PKIB: variants seen among roughly 807,000 people sequenced by gnomAD.
PKIB encodes the protein PKI-beta.
In PKIB, 2 loss-of-function variants were observed where a neutral mutation model predicts 4.5. The ratio of observed to expected loss-of-function variants is 0.44; its 90% CI spans 0.18 to 1.39. The LOEUF is 1.39. Among genes scored for constraint, PKIB ranks in the 40% most tolerant of loss-of-function variants. The pLI, the probability that PKIB is intolerant of heterozygous loss-of-function variation, is 0.27. For synonymous variants in PKIB, 38 were observed against 36.0 expected, an observed-to-expected ratio of 1.06 and a Z score of -0.20; for missense variants, 94 against 92.6, an observed-to-expected ratio of 1.02 and a Z score of -0.06.
intron 2 of PKIB, among the ~76,000 whole-genome samples, chr6:122,673,581 A>G (rs1405570566): frequency 6.6e-6 from 1 of 152,192 alleles, no homozygotes; most frequent in Non-Finnish European, 1.5e-5. Flanking sequence ...TCATTTGAGA[A>G]ACTGAGTATG....
upstream of PKIB, among the ~76,000 whole-genome samples, chr6:122,606,860 C>G (rs556640033): frequency 6.6e-6 from 1 of 151,944 alleles, no homozygotes; most frequent in South Asian, 2.1e-4. Flanking sequence ...AAAACTAGAT[C>G]TCACTTGAAA....
chr6:122,507,852 A>G (rs1205678135), intron 2 of PKIB, among the ~76,000 whole-genome samples: 1 of 151,790 alleles, frequency 6.6e-6, no homozygotes, highest in East Asian at 1.9e-4. Context: ...TTCTTTATGA[A>G]CATTTACCTT....
intron 4 of PKIB, among the ~76,000 whole-genome samples, chr6:122,719,523 T>C (rs1463759273): frequency 6.6e-6 from 1 of 152,130 alleles, no homozygotes; most frequent in African/African-American, 2.4e-5. Context: ...GACAAACTGC[T>C]AGAATCAGAG....
intron 2 of PKIB, among the ~76,000 whole-genome samples, chr6:122,568,372 G>GA (rs1480630847): frequency 1.3e-5 from 2 of 152,168 alleles, no homozygotes; most frequent in Non-Finnish European, 2.9e-5. Context: ...CCTACTCCAT[G>GA]AGACAGGTGA....
At chr6:122,596,244 C>A (rs1179659573) in intron 3 of PKIB, among the ~76,000 whole-genome samples, 4 of 152,172 alleles carry the variant, frequency 2.6e-5, no homozygotes, top group Admixed American at 6.5e-5. Context: ...CGGGTGGTGC[C>A]AGCCTGTCAT....
chr6:122,667,612 T>C (rs535187394), intron 2 of PKIB, among the ~76,000 whole-genome samples: 2 of 152,288 alleles, frequency 1.3e-5, no homozygotes, highest in East Asian at 3.9e-4. Context: ...AACTTTTTTG[T>C]TGGTGTTTGA....
intron 2 of PKIB, among the ~76,000 whole-genome samples, chr6:122,557,978 T>C (rs759850652): frequency 8.6e-5 from 13 of 152,040 alleles, no homozygotes; most frequent in Non-Finnish European, 1.5e-4. Context: ...AAGCTCCCGA[T>C]TTTTTTTGGA....
intron 2 of PKIB, among the ~76,000 whole-genome samples, chr6:122,497,352 T>C (rs1432385133): frequency 2.0e-5 from 3 of 152,174 alleles, no homozygotes; most frequent in Admixed American, 6.5e-5. Flanking sequence ...AACTTTATGA[T>C]AGAATCAAAA....
chr6:122,667,493 C>T (rs1372108224), intron 2 of PKIB, among the ~76,000 whole-genome samples: 1 of 151,472 alleles, frequency 6.6e-6, no homozygotes, highest in South Asian at 2.1e-4. Context: ...GCCGAGATGA[C>T]GCCACTGCAC....
chr6:122,518,098 T>G (rs1018814015), intron 2 of PKIB, among the ~76,000 whole-genome samples: 3 of 152,200 alleles, frequency 2.0e-5, no homozygotes, highest in Non-Finnish European at 4.4e-5. Flanking sequence ...TGAATAAATG[T>G]GGCTGTGTCC....
At chr6:122,547,202 G>C (rs1772521511) in intron 2 of PKIB, among the ~76,000 whole-genome samples, 1 of 152,222 alleles carries the variant, frequency 6.6e-6, no homozygotes, top group Middle Eastern at 3.4e-3. Context: ...GTCACGCCCA[G>C]TGTTAGGTTC....
At chr6:122,660,211 A>T (rs537419117) in intron 2 of PKIB, among the ~76,000 whole-genome samples, 19 of 152,310 alleles carry the variant, frequency 1.2e-4, no homozygotes, top group Admixed American at 1.2e-3. Context: ...ATGCACTTCC[A>T]CTATTGTGGA....
At chr6:122,588,160 T>G (rs1773907900) in intron 3 of PKIB, among the ~76,000 whole-genome samples, 1 of 152,198 alleles carries the variant, frequency 6.6e-6, no homozygotes. Context: ...GTTTTAGGGC[T>G]GATATTTAAG....
intron 2 of PKIB, among the ~76,000 whole-genome samples, chr6:122,550,293 A>G (rs907937543): frequency 6.6e-6 from 1 of 152,168 alleles, no homozygotes; most frequent in Non-Finnish European, 1.5e-5. Flanking sequence ...TGAAAGAACT[A>G]GCTCCCTGAA....
intron 3 of PKIB, among the ~76,000 whole-genome samples, chr6:122,681,365 A>G (rs1182080826): frequency 2.0e-5 from 3 of 152,326 alleles, no homozygotes; most frequent in Middle Eastern, 6.8e-3. Context: ...TAGCTAATTT[A>G]TATTTGATCA....
chr6:122,505,374 C>A (rs1336411038), intron 2 of PKIB, among the ~76,000 whole-genome samples: 2 of 152,110 alleles, frequency 1.3e-5, no homozygotes, highest in African/African-American at 4.8e-5. Context: ...ATACAGGCAC[C>A]CCACAAGCCC....
intron 2 of PKIB, among the ~76,000 whole-genome samples, chr6:122,566,275 G>T (rs1302152774): frequency 1.3e-5 from 2 of 152,082 alleles, no homozygotes; most frequent in Non-Finnish European, 1.5e-5. Flanking sequence ...GAGGAACACT[G>T]GGCCAGGAGT....
At chr6:122,532,943 T>G (rs1053535818) in intron 2 of PKIB, among the ~76,000 whole-genome samples, 2 of 152,176 alleles carry the variant, frequency 1.3e-5, no homozygotes, top group African/African-American at 4.8e-5. Flanking sequence ...CTAGTGATCT[T>G]GAACATCTTT....
At chr6:122,626,393 A>C (rs1220785902) in intron 1 of PKIB, among the ~76,000 whole-genome samples, 7 of 152,232 alleles carry the variant, frequency 4.6e-5, no homozygotes, top group Non-Finnish European at 1.0e-4. Context: ...AGTCCTGCAG[A>C]TAGTTGAATA....
Sources: gnomAD v4.1 joint callset for allele counts (sites outside exome capture counted in the v4.1 genomes callset) on GRCh38, gnomAD v4.1.1 for gene constraint, MANE v1.5 for transcripts, NCBI Gene and HGNC (gene_info 2026-07-23, HGNC 2026-07-21) for gene names.